The following FAM47E variants were observed in gnomAD, a reference collection of about 807,000 sequenced individuals.
FAM47E encodes the protein family with sequence similarity 47 member E.
FAM47E carries 32 observed loss-of-function variants against 41.6 expected under a neutral mutation model. That is an observed-to-expected ratio of 0.77 (90% CI 0.58 to 1.03). FAM47E has a LOEUF of 1.03. FAM47E is among the 50% of genes least tolerant of loss of function. The pLI is 0.00. For missense variants in FAM47E, 424 were observed against 485.4 expected (o/e 0.87, Z 1.19); for synonymous variants, 184 against 188.7 (o/e 0.98, Z 0.20).
intron 2 of FAM47E, among the ~76,000 whole-genome samples, chr4:76,220,598 C>G (rs1175117602): frequency 1.3e-5 from 2 of 152,210 alleles, no homozygotes; most frequent in African/African-American, 4.8e-5. Flanking sequence ...GTACTCCAGC[C>G]TGTGACAGAG....
At chr4:76,236,672 TG>T (rs1476495435) in intron 2 of FAM47E, 2 of 8,930 alleles carry the variant, frequency 2.2e-4, no homozygotes, top group Non-Finnish European at 4.2e-4. Flanking sequence ...CTGAAAGTGG[TG>T]GGGTAGGGTG....
intron 2 of FAM47E, among the ~76,000 whole-genome samples, chr4:76,229,669 T>A (rs1733459751): frequency 6.6e-6 from 1 of 152,206 alleles, no homozygotes; most frequent in Non-Finnish European, 1.5e-5. Flanking sequence ...GAGAAATACC[T>A]GATTCCTGTG....
intron 2 of FAM47E, among the ~76,000 whole-genome samples, chr4:76,257,967 A>G (rs924426243): frequency 1.3e-5 from 2 of 151,758 alleles, no homozygotes; most frequent in African/African-American, 4.9e-5. Flanking sequence ...AGAGAAGTCT[A>G]CAGAAAGGAC....
At position 76,283,466 on chromosome 4, in the gene FAM47E, G is replaced by T; in HGVS notation, c.*8G>T. The T allele has an allele frequency of 6.7e-7, 1 of 1,497,692 alleles. No individual in the cohort carries two copies. The highest frequency in any genetic ancestry group is 9.1e-7 in the Non-Finnish European group (1 of 1,098,570). The allele number at this position is 1,497,692 out of a possible 1,614,324, so 92.8% of individuals were successfully genotyped here. ...AAACGAACTCAAGCATAGAAGAATCGTAGGAGAATGATTAGGCAGATTTTA... is the reference window on the plus strand; with the variant it reads ...AAACGAACTCAAGCATAGAAGAATCTTAGGAGAATGATTAGGCAGATTTTA... On this transcript the variant is annotated 3_prime_UTR_variant, in exon 8 of 8. Coordinates refer to ENST00000424749, the MANE Select transcript of FAM47E (RefSeq NM_001136570.3).
chr4:76,280,424 C>A, intron 7 of FAM47E, 83 bp downstream of exon 7: 1 of 761,920 alleles, frequency 1.3e-6, no homozygotes, highest in Non-Finnish European at 2.1e-6. Context: ...ATGACCCTGA[C>A]AAACCCAAAT....
At chr4:76,244,889 A>AT (rs1733792513) in intron 2 of FAM47E, among the ~76,000 whole-genome samples, 1 of 152,150 alleles carries the variant, frequency 6.6e-6, no homozygotes, top group Admixed American at 6.5e-5. Flanking sequence ...TAAGAGGTAC[A>AT]TTTTTGTTTT....
intron 2 of FAM47E, among the ~76,000 whole-genome samples, chr4:76,228,559 C>T (rs1182125498): frequency 6.6e-6 from 1 of 151,500 alleles, no homozygotes; most frequent in Non-Finnish European, 1.5e-5. Context: ...GGCAAATTCT[C>T]TCAGCATTTG....
intron 2 of FAM47E, among the ~76,000 whole-genome samples, chr4:76,221,616 G>A (rs1026543071): frequency 8.6e-5 from 13 of 151,950 alleles, no homozygotes; most frequent in Admixed American, 2.0e-4. Flanking sequence ...CACCGCACCC[G>A]GCCTATTCCC....
At chr4:76,247,699 A>G (rs1381674118), upstream of FAM47E, among the ~76,000 whole-genome samples, 1 of 152,080 alleles carries the variant, frequency 6.6e-6, no homozygotes, top group East Asian at 1.9e-4. Flanking sequence ...ATGACTAATG[A>G]TGTTGAACAT....
At chr4:76,278,511 T>C in intron 6 of FAM47E, 2 of 400,968 alleles carry the variant, frequency 5.0e-6, no homozygotes, top group Non-Finnish European at 8.8e-6. Context: ...GGATAATTGT[T>C]CAAAGGGTGG....
chr4:76,239,387 A>G (rs763479770), intron 2 of FAM47E, among the ~76,000 whole-genome samples: 5 of 152,112 alleles, frequency 3.3e-5, no homozygotes, highest in Non-Finnish European at 5.9e-5. Flanking sequence ...CCTTGCCAAC[A>G]CTTATAATAA....
Position 76,253,469 on chromosome 4 carries a change from T to C in FAM47E, c.74+1649T>C, listed in dbSNP as rs1251596997. ...CTAGTGTCTGTGAAAACAGTAAATA[T>C]TTAGAAAAATTGTTTCCAGTTTTAT... is the stretch of plus-strand genomic sequence containing the variant. On this transcript the variant is annotated intron_variant, in intron 1 of 7. Coordinates refer to ENST00000424749, the MANE Select transcript of FAM47E (RefSeq NM_001136570.3). 2.6e-5 allele frequency among the ~76,000 whole-genome samples: 4 copies of C among 152,166 alleles called. No homozygotes were observed. The East Asian group carries it at 7.7e-4, about 29-fold the overall frequency.
chr4:76,276,788 G>A (rs893380245), intron 5 of FAM47E, among the ~76,000 whole-genome samples: 7 of 152,204 alleles, frequency 4.6e-5, no homozygotes, highest in African/African-American at 1.4e-4. Context: ...TGAGGCAGAA[G>A]CATGACAAGG....
At chr4:76,240,632 G>C (rs771520332) in intron 2 of FAM47E, among the ~76,000 whole-genome samples, 1 of 151,912 alleles carries the variant, frequency 6.6e-6, no homozygotes, top group Non-Finnish European at 1.5e-5. Context: ...CTTTCTTCAA[G>C]TTTGTTGATT....
chr4:76,236,454 T>C (rs1422420090), intron 2 of FAM47E: 1 of 152,206 alleles, frequency 6.6e-6, no homozygotes, highest in African/African-American at 2.4e-5. Context: ...TCAAACTCTG[T>C]AGAATATTTG....
intron 3 of FAM47E, among the ~76,000 whole-genome samples, chr4:76,266,216 A>G (rs1276980909): frequency 6.6e-6 from 1 of 152,188 alleles, no homozygotes; most frequent in Non-Finnish European, 1.5e-5. Context: ...GCCTTGAAGT[A>G]CTTTGGTCTT....
intron 1 of FAM47E, among the ~76,000 whole-genome samples, chr4:76,215,022 T>A (rs1283440843): frequency 6.6e-6 from 1 of 152,234 alleles, no homozygotes; most frequent in Non-Finnish European, 1.5e-5. Context: ...CCAAATGGGC[T>A]TGTCCCAGAA....
intron 3 of FAM47E, among the ~76,000 whole-genome samples, chr4:76,264,552 G>A (rs1367402058): frequency 6.6e-6 from 1 of 152,086 alleles, no homozygotes; most frequent in East Asian, 1.9e-4. Context: ...TAAACGCAGT[G>A]ATAAGTTTAC....
intron 7 of FAM47E, chr4:76,283,112 G>A: frequency 3.6e-6 from 1 of 279,886 alleles, no homozygotes; most frequent in Non-Finnish European, 6.8e-6. Context: ...TAGCAGGGAT[G>A]GGCAGCACAA....
Sources: allele counts gnomAD v4.1 joint callset (sites outside exome capture counted in the v4.1 genomes callset), GRCh38; gene constraint gnomAD v4.1.1; transcripts MANE v1.5; gene names NCBI Gene and HGNC (gene_info 2026-07-23, HGNC 2026-07-21).